Variants in IRAG2 observed in about 807,000 individuals in gnomAD.
IRAG2 encodes inositol 1,4,5-triphosphate receptor associated 2, also known as lymphoid restricted membrane protein.
In IRAG2, 45 loss-of-function variants were observed where a neutral mutation model predicts 69.9. The observed-to-expected ratio is 0.64, with a 90% CI of 0.51 to 0.83. IRAG2 has a LOEUF of 0.83. Among genes scored for constraint, IRAG2 ranks in the 40% least tolerant of loss-of-function variants. The probability of loss-of-function intolerance (pLI) is 0.00; values close to 1 mark genes in which losing one functional copy is unlikely to be tolerated. For synonymous variants in IRAG2, 193 were observed against 202.4 expected (o/e 0.95, Z 0.40); for missense variants, 520 against 587.0 (o/e 0.89, Z 1.18).
intron 11 of IRAG2, 93 bp downstream of exon 11, chr12:25,088,250 AC>A: frequency 1.0e-6 from 1 of 998,912 alleles, no homozygotes; most frequent in Admixed American, 1.9e-5. Context: ...TATGTCACTT[AC>A]AAATTCTGCA....
At chr12:25,076,316 T>A (rs1175394823) in intron 6 of IRAG2, 1 of 730,006 alleles carries the variant, frequency 1.4e-6, no homozygotes, top group Admixed American at 6.3e-5. Flanking sequence ...CAAAATCACA[T>A]AATTATTTGT....
At chr12:25,083,596 C>A in intron 10 of IRAG2, 103 bp downstream of exon 10, 2 of 688,500 alleles carry the variant, frequency 2.9e-6, no homozygotes, top group Non-Finnish European at 4.9e-6. Context: ...TTTATCCTTT[C>A]AAAATATTAT....
At chr12:25,072,462 G>C (rs538668463) in intron 6 of IRAG2, among the ~76,000 whole-genome samples, 2 of 152,020 alleles carry the variant, frequency 1.3e-5, no homozygotes, top group African/African-American at 4.8e-5. Flanking sequence ...TCTGACCCTT[G>C]TCCCTTGAGC....
At chr12:25,055,757 C>T (rs1170006040) in intron 1 of IRAG2, among the ~76,000 whole-genome samples, 1 of 152,134 alleles carries the variant, frequency 6.6e-6, no homozygotes, top group Non-Finnish European at 1.5e-5. Context: ...TTTCCAGCTT[C>T]ATCCATGTCG....
chr12:25,098,753 G>A (rs1454846950), intron 15 of IRAG2, among the ~76,000 whole-genome samples: 1 of 152,098 alleles, frequency 6.6e-6, no homozygotes, highest in African/African-American at 2.4e-5. Flanking sequence ...CCCATTTACA[G>A]CAAACCTCGA....
At chr12:25,005,672 C>T (rs2139814279) in intron 2 of IRAG2, among the ~76,000 whole-genome samples, 1 of 152,216 alleles carries the variant, frequency 6.6e-6, no homozygotes, top group Admixed American at 6.5e-5. Context: ...AGGAAATATG[C>T]TTTTCAAATA....
chr12:25,104,008 G>T lies in IRAG2; in HGVS notation c.997-1G>T. The stretch of plus-strand genomic sequence containing the variant: ...TTTTAACATTTGAACTTCTACTAAA[G>T]GTGGCTGGGATGGAAAATAATGATC... On this transcript the variant is annotated splice_acceptor_variant, in intron 18 of 21. Transcript: ENST00000556887. LOFTEE classifies it high-confidence loss of function. 1.2e-6 allele frequency: 2 copies of T among 1,613,200 alleles called. No individual in the cohort carries two copies. The highest frequency in any genetic ancestry group is 8.5e-7 in the Non-Finnish European group (1 of 1,179,464).
chr12:25,077,240 GAAATATATATATGATATATATATGAA>G (rs1565562509), intron 6 of IRAG2, among the ~76,000 whole-genome samples: 20 of 79,706 alleles, frequency 2.5e-4, no homozygotes, highest in African/African-American at 5.5e-4. Flanking sequence ...ATATATATAT[GAAATATATATATGATATATATATGAA>G]ATATATATGA....
chr12:25,039,161 C>T (rs182116154), intron 16 of IRAG2, among the ~76,000 whole-genome samples: 1 of 152,290 alleles, frequency 6.6e-6, no homozygotes, highest in East Asian at 1.9e-4. Flanking sequence ...CAAATGAACA[C>T]AGGTATATAT....
rs1386302008 is a variant in IRAG2 at position 25,017,244 on chromosome 12, ACAGCCAGTTAT to A, written c.1170_1180del (p.Ser390ArgfsTer33). 2 of 1,232,070 alleles carry A rather than the reference ACAGCCAGTTAT, an allele frequency of 1.6e-6. No individual in the cohort carries two copies. The highest frequency in any genetic ancestry group is 1.6e-5 in the African/African-American group (1 of 64,436). 76.3% of individuals were successfully genotyped at this position (1,232,070 alleles called of 1,614,324 possible). A position where few individuals can be genotyped will look rare whatever the true frequency, so the allele number is the denominator to read the frequency against. On this transcript the variant is annotated frameshift_variant, in exon 6 of 39. Transcript: ENST00000636465. LOFTEE classifies it high-confidence loss of function. Reference sequence around the variant, plus strand: ...GCTTTAGAAACCCTGGAAGAAACTAACAGCCAGTTATCAGAGGACTGTACCGAATTGCGCCT... The same window carrying A: ...GCTTTAGAAACCCTGGAAGAAACTAACAGAGGACTGTACCGAATTGCGCCT...
intron 4 of IRAG2, among the ~76,000 whole-genome samples, chr12:25,065,062 C>T (rs1945882335): frequency 6.6e-6 from 1 of 151,008 alleles, no homozygotes; most frequent in South Asian, 2.1e-4. Context: ...CACATTCCAG[C>T]CTGGGTGTCG....
chr12:25,099,944 G>A (rs923000125), intron 15 of IRAG2, among the ~76,000 whole-genome samples: 4 of 132,984 alleles, frequency 3.0e-5, no homozygotes, highest in African/African-American at 1.2e-4. Flanking sequence ...AGGTTGCAAT[G>A]AGCCGAGATC....
At chr12:25,002,935 C>A (rs949120416), upstream of IRAG2, among the ~76,000 whole-genome samples, 3 of 152,146 alleles carry the variant, frequency 2.0e-5, no homozygotes, top group Admixed American at 6.5e-5. Context: ...AGCCACCATG[C>A]CCAGCCAAGA....
chr12:25,019,902 A>C (rs1356999190), intron 6 of IRAG2, among the ~76,000 whole-genome samples: 1 of 152,150 alleles, frequency 6.6e-6, no homozygotes, highest in African/African-American at 2.4e-5. Flanking sequence ...AGTTACCTAA[A>C]AGCCAGAAAC....
rs952640105 is a variant in IRAG2 at position 25,061,737 on chromosome 12, C to A, written c.-385+84C>A. 12 of 397,680 alleles carry A rather than the reference C, an allele frequency of 3.0e-5. No homozygotes were observed. The Admixed American group carries it at 3.5e-4, about 12-fold the overall frequency. The allele number at this position is 397,680 out of a possible 1,614,324, so 24.6% of individuals were successfully genotyped here. Reference sequence around the variant, plus strand: ...GGTTTTGAAGCTAATTTATAACAGACAATGACTTTAATCATTAAATTAAAT... The same window carrying A: ...GGTTTTGAAGCTAATTTATAACAGAAAATGACTTTAATCATTAAATTAAAT... On this transcript the variant is annotated intron_variant, in intron 2 of 21. Transcript: ENST00000556887.
At chr12:25,105,313 T>G (rs1948999834) in intron 20 of IRAG2, among the ~76,000 whole-genome samples, 1 of 152,084 alleles carries the variant, frequency 6.6e-6, no homozygotes, top group Non-Finnish European at 1.5e-5. Flanking sequence ...CCTGACCTCG[T>G]GATCCGCCCG....
chr12:25,089,809 T>A lies in IRAG2; in HGVS notation c.465+19T>A, dbSNP rs1369869699. 11 of 1,612,240 alleles carry A rather than the reference T, an allele frequency of 6.8e-6. No individual in the cohort carries two copies. The highest frequency in any genetic ancestry group is 9.3e-6 in the Non-Finnish European group (11 of 1,179,542). On this transcript the variant is annotated intron_variant, in intron 13 of 21. Coordinates refer to ENST00000556887, the MANE Select transcript of IRAG2 (RefSeq NM_001366544.2). ...GGTGGAGGTGAGTTTAAAGCAAATT[T>A]TTTTTCCTTTTAAAAAAGTGTTCCA...
chr12:25,064,118 T>A (rs537864240), intron 4 of IRAG2, among the ~76,000 whole-genome samples: 8 of 151,822 alleles, frequency 5.3e-5, no homozygotes, highest in Non-Finnish European at 1.2e-4. Flanking sequence ...CCGGGCAACA[T>A]CTCTAAAACA....
intron 16 of IRAG2, among the ~76,000 whole-genome samples, chr12:25,047,030 G>C (rs181959068): frequency 1.9e-4 from 29 of 152,264 alleles, no homozygotes; most frequent in Admixed American, 4.6e-4. Flanking sequence ...CCAATGCATA[G>C]ATGGTCAATT....
Sources: gnomAD v4.1 joint callset for allele counts (sites outside exome capture counted in the v4.1 genomes callset) on GRCh38, gnomAD v4.1.1 for gene constraint, MANE v1.5 for transcripts, NCBI Gene and HGNC (gene_info 2026-07-23, HGNC 2026-07-21) for gene names.